The following TENM1 variants were observed in gnomAD, a reference collection of about 807,000 sequenced individuals.
TENM1 encodes the protein teneurin-1.
TENM1 carries 35 observed loss-of-function variants against 174.8 expected under a neutral mutation model. That is an observed-to-expected ratio of 0.20 (90% CI 0.15 to 0.27). The LOEUF (loss-of-function observed/expected upper bound fraction) is 0.27, where lower values mean the gene tolerates loss of function less well. Ranked by LOEUF, TENM1 falls within the 10% of genes least tolerant of loss-of-function variation. The pLI is 1.00. For missense variants in TENM1, 1,633 were observed against 2,130.1 expected (o/e 0.77, Z 4.59); for synonymous variants, 781 against 798.7 (o/e 0.98, Z 0.37).
chrX:124,920,618 C>T (rs1341773955), intron 1 of TENM1, among the ~76,000 whole-genome samples: 1 of 111,157 alleles, frequency 9.0e-6, no homozygotes, highest in Non-Finnish European at 1.9e-5. Context: ...GTTCATATTT[C>T]CCCCCACAGT....
intron 14 of TENM1, among the ~76,000 whole-genome samples, chrX:124,558,496 C>T (rs1221489118): frequency 9.0e-6 from 1 of 111,104 alleles, no homozygotes; most frequent in Admixed American, 9.6e-5. Context: ...AATTAAAACA[C>T]ACACATATAC....
chrX:124,660,375 CAA>C (rs200395881), intron 6 of TENM1, among the ~76,000 whole-genome samples: 3 of 79,253 alleles, frequency 3.8e-5, no homozygotes, highest in Non-Finnish European at 5.0e-5. Context: ...ACTCCATCTC[CAA>C]AAAAAAAAAA....
chrX:125,025,126 A>T, the TENM1 span, among the ~76,000 whole-genome samples: 1 of 112,020 alleles, frequency 8.9e-6, no homozygotes. Context: ...AGGGTCCAAA[A>T]ACAGAGGGCA....
rs574475461 is a variant in TENM1, at chrX:124,811,603, T to G, written c.536-74406A>C. ...AGTACAGTCATTATGAAAACCAGTA[T>G]GGAGATTTCTCAAAAAATTAAAAAT... is the stretch of plus-strand genomic sequence containing the variant. On this transcript the variant is annotated intron_variant, in intron 3 of 31. Transcript: ENST00000422452. 6.3e-5 allele frequency among the ~76,000 whole-genome samples: 7 copies of G among 111,645 alleles called. No homozygotes were observed. In the South Asian group the frequency reaches 2.6e-3, roughly 41 times the overall value.
At chrX:124,983,175 CT>C in the TENM1 span, among the ~76,000 whole-genome samples, 6,783 of 106,480 alleles carry the variant, frequency 0.064, 486 homozygotes, top group African/African-American at 0.21. Context: ...TTTTTACTGT[CT>C]TTTTTTTTTA....
chrX:124,403,377 G>C (rs746480576), intron 27 of TENM1, among the ~76,000 whole-genome samples: 2 of 109,326 alleles, frequency 1.8e-5, no homozygotes, highest in African/African-American at 6.7e-5. Context: ...AAAAGTAGCC[G>C]GGTGTGGTGG....
chrX:124,908,725 TTAA>T (rs965112608), intron 1 of TENM1, among the ~76,000 whole-genome samples: 1 of 111,677 alleles, frequency 9.0e-6, no homozygotes, highest in African/African-American at 3.3e-5. Flanking sequence ...TTCCTCTTTT[TTAA>T]TATGTAAAAC....
intron 11 of TENM1, among the ~76,000 whole-genome samples, chrX:124,592,184 C>A (rs752684770): frequency 9.0e-6 from 1 of 111,567 alleles, no homozygotes; most frequent in Non-Finnish European, 1.9e-5. Flanking sequence ...TGTCTTGGAT[C>A]TCATTGAGCT....
At chrX:124,856,319 A>C (rs1448575423) in intron 3 of TENM1, among the ~76,000 whole-genome samples, 1 of 111,131 alleles carries the variant, frequency 9.0e-6, no homozygotes, top group African/African-American at 3.3e-5. Flanking sequence ...ATACAGAGGG[A>C]AAGGTCCATT....
At chrX:124,516,342 T>C (rs1179691598) in intron 18 of TENM1, among the ~76,000 whole-genome samples, 1 of 111,419 alleles carries the variant, frequency 9.0e-6, no homozygotes, top group African/African-American at 3.3e-5. Context: ...AAAGCAAAAA[T>C]TGACAAATGG....
the TENM1 span, among the ~76,000 whole-genome samples, chrX:125,190,761 C>T: frequency 1.5e-4 from 17 of 110,592 alleles, no homozygotes; most frequent in East Asian, 1.4e-3. Context: ...TGTAAATACA[C>T]GGTGTCTGAT....
chrX:124,524,259 C>T (rs1184734937), intron 16 of TENM1, among the ~76,000 whole-genome samples: 1 of 111,717 alleles, frequency 9.0e-6, no homozygotes, highest in Non-Finnish European at 1.9e-5. Flanking sequence ...CAGCTGCTCC[C>T]CTTATGCTAA....
the TENM1 span, among the ~76,000 whole-genome samples, chrX:125,065,450 CCTTTTGACTT>C: frequency 9.0e-6 from 1 of 111,699 alleles, no homozygotes; most frequent in Non-Finnish European, 1.9e-5. Context: ...TGATTTGGCT[CCTTTTGACTT>C]CTTTTTGTTT....
At chrX:124,756,491 G>A (rs1265040230) in intron 3 of TENM1, among the ~76,000 whole-genome samples, 9 of 106,711 alleles carry the variant, frequency 8.4e-5, no homozygotes, top group South Asian at 4.1e-4. Context: ...CTCTCAACTC[G>A]TCAAAGTCAT....
intron 3 of TENM1, among the ~76,000 whole-genome samples, chrX:124,876,821 G>A (rs1278840039): frequency 4.5e-5 from 5 of 111,557 alleles, no homozygotes; most frequent in Non-Finnish European, 9.4e-5. Context: ...TTCCAACATG[G>A]TTTTCAAGGG....
At chrX:124,762,887 G>A (rs1350969465) in intron 3 of TENM1, among the ~76,000 whole-genome samples, 1 of 111,230 alleles carries the variant, frequency 9.0e-6, no homozygotes, top group Non-Finnish European at 1.9e-5. Context: ...ATAATGGTCA[G>A]CATCATACTT....
the TENM1 span, among the ~76,000 whole-genome samples, chrX:125,018,357 G>A: frequency 9.0e-6 from 1 of 111,157 alleles, no homozygotes; most frequent in African/African-American, 3.3e-5. Flanking sequence ...TTGCCACACT[G>A]AGACCAAGAG....
At chrX:125,051,633 C>T in the TENM1 span, among the ~76,000 whole-genome samples, 1 of 105,646 alleles carries the variant, frequency 9.5e-6, no homozygotes, top group African/African-American at 3.5e-5. Context: ...GGAAAACTGG[C>T]TAGCCATATG....
chrX:124,732,411 G>C (rs190595456), intron 4 of TENM1, among the ~76,000 whole-genome samples: 3 of 111,986 alleles, frequency 2.7e-5, no homozygotes, highest in Non-Finnish European at 5.6e-5. Flanking sequence ...TGACTGCTGA[G>C]AGTCCCATCT....
Sources: gnomAD v4.1 joint callset for allele counts (sites outside exome capture counted in the v4.1 genomes callset) on GRCh38, gnomAD v4.1.1 for gene constraint, MANE v1.5 for transcripts, NCBI Gene and HGNC (gene_info 2026-07-23, HGNC 2026-07-21) for gene names.